Variants in SGCZ observed in about 807,000 individuals in gnomAD.
SGCZ encodes the protein zeta-sarcoglycan.
In SGCZ, 40 loss-of-function variants were observed where a neutral mutation model predicts 41.3. The ratio of observed to expected loss-of-function variants is 0.97; its 90% CI spans 0.75 to 1.26. The LOEUF is 1.26. Among genes scored for constraint, SGCZ ranks in the 50% most tolerant of loss-of-function variants. The pLI is 0.00. For missense variants in SGCZ, 552 were observed against 369.8 expected (o/e 1.49, Z -4.04); for synonymous variants, 206 against 137.5 (o/e 1.50, Z -3.49).
rs551866923 is a variant in SGCZ, at chr8:14,639,019, T to C, written c.40-84093A>G. ...ACGGGAGATGTATCTTTAGAAATAATACACTAAGAAACTGGAATCTTTTTT... is the reference window on the plus strand; with the variant it reads ...ACGGGAGATGTATCTTTAGAAATAACACACTAAGAAACTGGAATCTTTTTT... On this transcript the variant is annotated intron_variant, in intron 1 of 7. Coordinates refer to ENST00000382080, the MANE Select transcript of SGCZ (RefSeq NM_139167.4). 2.0e-5 allele frequency among the ~76,000 whole-genome samples: 3 copies of C among 148,358 alleles called. No individual in the cohort carries two copies. In the South Asian group the frequency reaches 6.4e-4, roughly 31 times the overall value.
intron 1 of SGCZ, among the ~76,000 whole-genome samples, chr8:15,055,872 C>T (rs1423019392): frequency 6.6e-6 from 1 of 152,188 alleles, no homozygotes; most frequent in Non-Finnish European, 1.5e-5. Flanking sequence ...GCTCCACCTG[C>T]CTGAAAGTCC....
chr8:15,127,012 T>C (rs146544459), intron 1 of SGCZ, among the ~76,000 whole-genome samples: 3 of 152,292 alleles, frequency 2.0e-5, no homozygotes, highest in South Asian at 2.1e-4. Flanking sequence ...ATTCTAAGTA[T>C]TGCATTCTGT....
At chr8:14,376,174 G>A (rs1254566905) in intron 2 of SGCZ, among the ~76,000 whole-genome samples, 2 of 151,934 alleles carry the variant, frequency 1.3e-5, no homozygotes, top group Admixed American at 6.5e-5. Context: ...AGCCGGGCAT[G>A]GTGGCGGCCG....
chr8:14,566,143 A>C (rs1804352022), intron 1 of SGCZ, among the ~76,000 whole-genome samples: 1 of 152,226 alleles, frequency 6.6e-6, no homozygotes, highest in African/African-American at 2.4e-5. Context: ...ACAAAGTCTA[A>C]CTAAAATAAG....
chr8:14,206,632 A>T lies in SGCZ; in HGVS notation c.424+30960T>A, dbSNP rs151279402. 2.2e-3 allele frequency among the ~76,000 whole-genome samples: 341 copies of T among 152,324 alleles called. 1 individual carries two copies. Among genetic ancestry groups the T allele is most frequent in the African/African-American group, 6.9e-3 (286 of 41,576 alleles). ...TTTACTAAGATGTATGTAAGTTTAT[A>T]GAACGATGTTCACTAGAAACAGATT... On this transcript the variant is annotated intron_variant, in intron 4 of 7. Transcript: ENST00000382080.
chr8:14,908,359 C>T (rs992848401), intron 1 of SGCZ, among the ~76,000 whole-genome samples: 1 of 152,106 alleles, frequency 6.6e-6, no homozygotes, highest in Non-Finnish European at 1.5e-5. Flanking sequence ...GTATAGCAGA[C>T]ACTAGGCACA....
At chr8:14,750,776 C>T (rs1799474882) in intron 1 of SGCZ, among the ~76,000 whole-genome samples, 1 of 152,108 alleles carries the variant, frequency 6.6e-6, no homozygotes, top group Admixed American at 6.6e-5. Context: ...TATTTAAATC[C>T]AGAAAAATTA....
At chr8:14,876,871 C>T (rs151203566) in intron 1 of SGCZ, among the ~76,000 whole-genome samples, 57 of 152,254 alleles carry the variant, frequency 3.7e-4, no homozygotes, top group African/African-American at 1.3e-3. Context: ...GTTTAGAGGT[C>T]CCCCCGCCCT....
chr8:14,266,908 C>CA (rs1264599566), intron 3 of SGCZ, among the ~76,000 whole-genome samples: 2 of 152,016 alleles, frequency 1.3e-5, no homozygotes, highest in Non-Finnish European at 2.9e-5. Flanking sequence ...TATTGCAAGA[C>CA]AAAATATGAA....
At chr8:14,664,085 T>C (rs1807834284) in intron 1 of SGCZ, among the ~76,000 whole-genome samples, 1 of 152,188 alleles carries the variant, frequency 6.6e-6, no homozygotes, top group South Asian at 2.1e-4. Context: ...CATGCTTAGA[T>C]GTACAATGAG....
At chr8:14,920,008 C>A (rs188651815) in intron 1 of SGCZ, among the ~76,000 whole-genome samples, 1 of 152,262 alleles carries the variant, frequency 6.6e-6, no homozygotes, top group East Asian at 1.9e-4. Flanking sequence ...GCTCACCATA[C>A]TCCTTTTAGT....
intron 1 of SGCZ, among the ~76,000 whole-genome samples, chr8:14,577,345 T>C (rs1190437691): frequency 6.6e-6 from 1 of 151,788 alleles, no homozygotes; most frequent in Non-Finnish European, 1.5e-5. Context: ...AGCCAACATT[T>C]AATAATTTTA....
intron 1 of SGCZ, among the ~76,000 whole-genome samples, chr8:14,792,170 G>C (rs1275579314): frequency 1.3e-5 from 2 of 152,110 alleles, no homozygotes; most frequent in Admixed American, 6.6e-5. Flanking sequence ...ACTTTTCATA[G>C]TTTAGTGCTA....
At chr8:14,199,868 C>A (rs1183572232) in intron 4 of SGCZ, among the ~76,000 whole-genome samples, 1 of 152,074 alleles carries the variant, frequency 6.6e-6, no homozygotes, top group African/African-American at 2.4e-5. Context: ...ATCTTAAGAA[C>A]AAATCTTCTA....
intron 1 of SGCZ, among the ~76,000 whole-genome samples, chr8:14,830,427 A>T (rs1463255929): frequency 1.3e-5 from 2 of 152,180 alleles, no homozygotes; most frequent in East Asian, 3.8e-4. Flanking sequence ...ATTACAGTTT[A>T]AAGAGTCTGA....
At chr8:14,764,201 G>A (rs968027513) in intron 1 of SGCZ, among the ~76,000 whole-genome samples, 1 of 152,184 alleles carries the variant, frequency 6.6e-6, no homozygotes, top group Non-Finnish European at 1.5e-5. Context: ...CTTATTCACA[G>A]AAATATGTCA....
At chr8:14,558,644 A>G (rs1355415948) in intron 1 of SGCZ, among the ~76,000 whole-genome samples, 1 of 147,384 alleles carries the variant, frequency 6.8e-6, no homozygotes, top group African/African-American at 2.5e-5. Flanking sequence ...TGATGCCAGT[A>G]TCACCCTAAT....
intron 1 of SGCZ, among the ~76,000 whole-genome samples, chr8:15,040,302 T>A (rs1248648495): frequency 6.6e-6 from 1 of 152,208 alleles, no homozygotes; most frequent in Admixed American, 6.5e-5. Flanking sequence ...TAGTCTTAAA[T>A]GTCCTATGGT....
At chr8:14,511,166 A>G (rs68158305) in intron 2 of SGCZ, among the ~76,000 whole-genome samples, 28,927 of 151,642 alleles carry the variant, frequency 0.19, 3,346 homozygotes, top group Non-Finnish European at 0.25. Context: ...AATGTATGCC[A>G]TGGGCTCTAT....
Sources: allele counts gnomAD v4.1 joint callset (sites outside exome capture counted in the v4.1 genomes callset), GRCh38; gene constraint gnomAD v4.1.1; transcripts MANE v1.5; gene names NCBI Gene and HGNC (gene_info 2026-07-23, HGNC 2026-07-21).